Variants in TSPEAR observed in about 807,000 individuals in gnomAD.
TSPEAR encodes the protein thrombospondin type laminin G domain and EAR repeats, also known as thrombospondin-type laminin G domain and EAR repeat-containing protein.
Under a neutral mutation model 71.6 loss-of-function variants are expected in TSPEAR, and 69 were observed. That is an observed-to-expected ratio of 0.96 (90% confidence interval 0.79 to 1.18). The LOEUF (loss-of-function observed/expected upper bound fraction) is 1.18, where lower values mean the gene tolerates loss of function less well. TSPEAR is among the 50% of genes most tolerant of loss of function. The pLI is 0.00. For missense variants in TSPEAR, 971 were observed against 894.9 expected (o/e 1.09, Z -1.09); for synonymous variants, 402 against 387.2 (o/e 1.04, Z -0.45).
intron 1 of TSPEAR, chr21:44,681,864 G>A (rs1555948029): frequency 1.2e-6 from 2 of 1,613,834 alleles, no homozygotes; most frequent in East Asian, 4.5e-5. Context: ...GCAGGAGATG[G>A]GTCTGCAGAG....
intron 11 of TSPEAR, among the ~76,000 whole-genome samples, chr21:44,502,590 G>A (rs886423312): frequency 6.6e-6 from 1 of 152,250 alleles, no homozygotes; most frequent in Non-Finnish European, 1.5e-5. Context: ...CAACTCCCAT[G>A]TTAGGATGTC....
At position 44,711,391 on chromosome 21, in the gene TSPEAR, C is replaced by T. The variant is rs782159132; in HGVS notation, c.82+42G>A. The stretch of plus-strand genomic sequence containing the variant: ...TGACTCGACACCCCTCCCAGCTCCC[C>T]GGCAAGATACCCCCGCCCGAGTTCC... On this transcript the variant is annotated intron_variant, in intron 1 of 11. Transcript: ENST00000323084. This position sits in a 1 kb window ranked among gnomAD's most constrained non-coding sequence, Gnocchi z 4.5. 5.9e-6 allele frequency: 9 copies of T among 1,538,412 alleles called. No homozygotes were observed. Among genetic ancestry groups the T allele is most frequent in the Non-Finnish European group, 7.9e-6 (9 of 1,134,426 alleles).
Position 44,612,257 on chromosome 21 carries a change from C to G in TSPEAR, c.83-44252G>C, listed in dbSNP as rs781790210. On this transcript the variant is annotated intron_variant, in intron 1 of 11. Coordinates refer to ENST00000323084, the MANE Select transcript of TSPEAR (RefSeq NM_144991.3). This position sits in a 1 kb window ranked among gnomAD's most constrained non-coding sequence, Gnocchi z 4.1. Reference sequence around the variant, plus strand: ...CAATTGCCAGGAAAGCTGCTGCGAGCCCCGCTCCTGTGCCTCCAGCTGCTG... The same window carrying G: ...CAATTGCCAGGAAAGCTGCTGCGAGGCCCGCTCCTGTGCCTCCAGCTGCTG... 1 of 1,613,456 alleles carries G rather than the reference C, an allele frequency of 6.2e-7. No individual in the cohort carries two copies. Among genetic ancestry groups the G allele is most frequent in the African/African-American group, 1.3e-5 (1 of 74,910 alleles).
chr21:44,686,789 C>G (rs1317369381), intron 1 of TSPEAR, among the ~76,000 whole-genome samples: 2 of 152,234 alleles, frequency 1.3e-5, no homozygotes, highest in Non-Finnish European at 2.9e-5. Context: ...CGTTCTTGTG[C>G]AGGAAGGCTT....
Position 44,512,444 on chromosome 21 carries a change from G to A in TSPEAR, c.1567-3058C>T, listed in dbSNP as rs1401330052. Among the ~76,000 whole-genome samples the A allele has an allele frequency of 3.3e-5, 5 of 152,140 alleles. No individual in the cohort carries two copies. The East Asian group carries it at 5.8e-4, about 18-fold the overall frequency. ...GAGAACTCGGTACATCCCTAGGGAT[G>A]GAGACAGGGGCTTTGGGAGACCACT... is the stretch of plus-strand genomic sequence containing the variant. On this transcript the variant is annotated intron_variant, in intron 9 of 11. Coordinates refer to ENST00000323084, the MANE Select transcript of TSPEAR (RefSeq NM_144991.3).
At chr21:44,696,225 A>G (rs1202409927) in intron 1 of TSPEAR, among the ~76,000 whole-genome samples, 1 of 152,148 alleles carries the variant, frequency 6.6e-6, no homozygotes, top group Non-Finnish European at 1.5e-5. Flanking sequence ...AGATATTTTC[A>G]CATCAATCCC....
intron 1 of TSPEAR, among the ~76,000 whole-genome samples, chr21:44,573,549 C>G (rs1372340578): frequency 6.6e-6 from 1 of 152,188 alleles, no homozygotes; most frequent in Non-Finnish European, 1.5e-5. Flanking sequence ...TGAGCAACAG[C>G]TCTTGGGAAA....
intron 1 of TSPEAR, among the ~76,000 whole-genome samples, chr21:44,577,193 A>G (rs1978515562): frequency 6.6e-6 from 1 of 152,240 alleles, no homozygotes; most frequent in South Asian, 2.1e-4. Context: ...AAGGCCTAAA[A>G]TCAGTTGTCC....
Position 44,527,369 on chromosome 21 carries a change from C to G in TSPEAR, c.1072G>C (p.Glu358Gln), listed in dbSNP as rs370428426. The change falls in exon 7 of 12, where the codon GAA becomes CAA. Residue 358 changes from glutamate (E) to glutamine (Q), a missense_variant. Transcript: ENST00000323084. The stretch of plus-strand genomic sequence containing the variant: ...TTCTGATATGAGACGAACTTCTCTT[C>G]GGTCCACTTGTAGACGGCGGATGTG... ...KATSAVYKWTEEKFVSYQNIP... is the reference protein window; with the variant it reads ...KATSAVYKWTQEKFVSYQNIP... 1.2e-6 allele frequency: 2 copies of G among 1,614,188 alleles called. No homozygotes were observed. Among genetic ancestry groups the G allele is most frequent in the Non-Finnish European group, 1.7e-6 (2 of 1,180,036 alleles).
Position 44,623,552 on chromosome 21 carries a change from A to G in TSPEAR, c.83-55547T>C, listed in dbSNP as rs1400481613. On this transcript the variant is annotated intron_variant, in intron 1 of 11. Transcript: ENST00000323084. The surrounding 1 kb of genome is among the most constrained non-coding windows in gnomAD (Gnocchi z 4.5). ...ATTTCCTTTTCGACTTCTTGCTTCC[A>G]TCTGTGATCATTTTCATTCTGCCTA... Among the ~76,000 whole-genome samples, 1 of 152,058 alleles carries G rather than the reference A, an allele frequency of 6.6e-6. No individual in the cohort carries two copies. Among genetic ancestry groups the G allele is most frequent in the Non-Finnish European group, 1.5e-5 (1 of 68,002 alleles).
intron 10 of TSPEAR, chr21:44,507,980 T>C (rs1220848068): frequency 6.6e-6 from 1 of 152,180 alleles, no homozygotes; most frequent in Non-Finnish European, 1.5e-5. Flanking sequence ...TTTTTTTAAT[T>C]TTTAAAAATC....
chr21:44,689,277 C>T (rs4818962), intron 1 of TSPEAR, among the ~76,000 whole-genome samples: 32,122 of 151,970 alleles, frequency 0.21, 3,473 homozygotes, highest in Middle Eastern at 0.26. Flanking sequence ...CCGAGGCGGG[C>T]GGATCACGAG....
chr21:44,678,543 AT>A (rs1234497296), intron 1 of TSPEAR, among the ~76,000 whole-genome samples: 6 of 152,144 alleles, frequency 3.9e-5, no homozygotes, highest in African/African-American at 1.4e-4. Flanking sequence ...TTCTTTATAA[AT>A]TACCCAGTCT....
At chr21:44,672,720 T>A (rs1029924455) in intron 1 of TSPEAR, among the ~76,000 whole-genome samples, 12 of 152,190 alleles carry the variant, frequency 7.9e-5, no homozygotes, top group Admixed American at 2.6e-4. Context: ...GTTGAATTGT[T>A]ATCCTCAATG....
intron 1 of TSPEAR, among the ~76,000 whole-genome samples, chr21:44,619,759 C>T (rs75612975): frequency 0.017 from 2,621 of 152,266 alleles, 74 homozygotes; most frequent in African/African-American, 0.06. Flanking sequence ...CAGATTTTAG[C>T]AGCTATAAGA....
chr21:44,588,747 T>TTATA (rs36029706), intron 1 of TSPEAR, among the ~76,000 whole-genome samples: 8 of 146,234 alleles, frequency 5.5e-5, no homozygotes, highest in South Asian at 2.1e-4. Flanking sequence ...TATATATATG[T>TTATA]TATATATATG....
At position 44,578,017 on chromosome 21, in the gene TSPEAR, C is replaced by T. The variant is rs141609625; in HGVS notation, c.83-10012G>A. On this transcript the variant is annotated intron_variant, in intron 1 of 11. Coordinates refer to ENST00000323084, the MANE Select transcript of TSPEAR (RefSeq NM_144991.3). ...TTTTATACAGGGGAGTTTCCCTGCA[C>T]AAGCTCTCTTCTCTTGTCTGCCACC... Among the ~76,000 whole-genome samples, 319 of 152,326 alleles carry T rather than the reference C, an allele frequency of 2.1e-3. 1 individual carries two copies. Among genetic ancestry groups the T allele is most frequent in the African/African-American group, 6.9e-3 (287 of 41,572 alleles).
chr21:44,605,866 G>GA (rs1293123530), intron 1 of TSPEAR, among the ~76,000 whole-genome samples: 1 of 152,098 alleles, frequency 6.6e-6, no homozygotes, highest in African/African-American at 2.4e-5. Context: ...AAGCATAGTG[G>GA]AAAATCTCCA....
intron 1 of TSPEAR, among the ~76,000 whole-genome samples, chr21:44,617,456 C>T (rs782755971): frequency 1.1e-4 from 16 of 152,228 alleles, no homozygotes; most frequent in African/African-American, 2.2e-4. Context: ...TCCAGGACAG[C>T]GTGGGGACAC....
Sources: gnomAD v4.1 joint callset for allele counts (sites outside exome capture counted in the v4.1 genomes callset) on GRCh38, gnomAD v4.1.1 for gene constraint, Gnocchi (gnomAD v3.1) non-coding constraint, MANE v1.5 for transcripts, NCBI Gene and HGNC (gene_info 2026-07-23, HGNC 2026-07-21) for gene names.